Variants in CELF4 observed in about 807,000 individuals in gnomAD.
The protein encoded by CELF4 is CUGBP Elav-like family member 4.
Under a neutral mutation model 59.9 loss-of-function variants are expected in CELF4, and 18 were observed. The observed-to-expected ratio is 0.30, with a 90% CI of 0.21 to 0.45. CELF4 has a LOEUF of 0.45. Among genes scored for constraint, CELF4 ranks in the 20% least tolerant of loss-of-function variants. The pLI is 1.00. For missense variants in CELF4, 456 were observed against 689.0 expected (o/e 0.66, Z 3.79); for synonymous variants, 261 against 267.1 (o/e 0.98, Z 0.22).
chr18:37,536,085 A>G (rs910540710), intron 1 of CELF4, among the ~76,000 whole-genome samples: 11 of 152,062 alleles, frequency 7.2e-5, no homozygotes, highest in Non-Finnish European at 1.6e-4. Flanking sequence ...CTCTGGAACC[A>G]CTTGCATTGT....
intron 1 of CELF4, among the ~76,000 whole-genome samples, chr18:37,498,227 C>T (rs1385930857): frequency 6.6e-6 from 1 of 152,120 alleles, no homozygotes; most frequent in East Asian, 1.9e-4. Context: ...CCTCAAAGCT[C>T]CCCCAGGTGC....
intron 1 of CELF4, among the ~76,000 whole-genome samples, chr18:37,532,703 A>ATG (rs2099970509): frequency 6.6e-6 from 1 of 152,222 alleles, no homozygotes. Context: ...TGTTGTCTAT[A>ATG]GAAGTAACAG....
chr18:37,323,586 G>T (rs1256299178), intron 2 of CELF4, among the ~76,000 whole-genome samples: 1 of 152,072 alleles, frequency 6.6e-6, no homozygotes, highest in Non-Finnish European at 1.5e-5. Context: ...TTGGGACTCA[G>T]CATCTCACCC....
At chr18:37,505,978 C>T (rs569272848) in intron 1 of CELF4, among the ~76,000 whole-genome samples, 10 of 32,290 alleles carry the variant, frequency 3.1e-4, no homozygotes, top group Non-Finnish European at 7.9e-4. Context: ...CCTTGATCTG[C>T]GGGCAAGTTG....
chr18:37,333,748 CCA>C (rs2097653628), intron 2 of CELF4, among the ~76,000 whole-genome samples: 2 of 148,686 alleles, frequency 1.3e-5, no homozygotes, highest in African/African-American at 5.0e-5. Flanking sequence ...ATCCATCCAT[CCA>C]TCCATCCGTG....
chr18:37,419,769 C>G (rs537699211), intron 2 of CELF4, among the ~76,000 whole-genome samples: 7 of 152,286 alleles, frequency 4.6e-5, no homozygotes, highest in Admixed American at 1.3e-4. Flanking sequence ...TTGGAGGGTC[C>G]CTACAGGATT....
intron 1 of CELF4, among the ~76,000 whole-genome samples, chr18:37,530,118 G>C (rs544603742): frequency 6.6e-6 from 1 of 152,102 alleles, no homozygotes; most frequent in Non-Finnish European, 1.5e-5. Context: ...ACTCTCTTCC[G>C]GCCACAGTCC....
At chr18:37,268,013 G>T in intron 8 of CELF4, among the ~76,000 whole-genome samples, 1 of 152,092 alleles carries the variant, frequency 6.6e-6, no homozygotes. Flanking sequence ...CTCCAGCCTG[G>T]GCAACAATTG....
At chr18:37,500,468 T>A (rs1350834024) in intron 1 of CELF4, among the ~76,000 whole-genome samples, 1 of 152,122 alleles carries the variant, frequency 6.6e-6, no homozygotes, top group East Asian at 1.9e-4. Flanking sequence ...GTACATCTTG[T>A]CTTTGTGCCC....
chr18:37,295,206 T>C (rs991196164), intron 3 of CELF4, among the ~76,000 whole-genome samples: 3 of 152,192 alleles, frequency 2.0e-5, no homozygotes, highest in South Asian at 2.1e-4. Context: ...TCCCTGCCCC[T>C]GCCCGAATGA....
At chr18:37,332,608 C>A (rs907974069) in intron 2 of CELF4, among the ~76,000 whole-genome samples, 1 of 152,204 alleles carries the variant, frequency 6.6e-6, no homozygotes, top group African/African-American at 2.4e-5. Context: ...AAAAGAGGTG[C>A]CCCTCACAGT....
At chr18:37,367,893 G>A (rs1253431784) in intron 2 of CELF4, among the ~76,000 whole-genome samples, 3 of 152,088 alleles carry the variant, frequency 2.0e-5, no homozygotes, top group Non-Finnish European at 4.4e-5. Context: ...TCCTTTGTGC[G>A]ATTCCAGTTA....
At chr18:37,508,581 C>A (rs1045199753) in intron 1 of CELF4, among the ~76,000 whole-genome samples, 1 of 152,232 alleles carries the variant, frequency 6.6e-6, no homozygotes. Context: ...ATAGGTAGGG[C>A]ATGCCTGTTC....
chr18:37,375,234 G>A (rs753966832), intron 2 of CELF4, among the ~76,000 whole-genome samples: 1 of 152,306 alleles, frequency 6.6e-6, no homozygotes, highest in East Asian at 1.9e-4. Context: ...CTGCCTGCCT[G>A]GCAAACAAAT....
Position 37,246,865 on chromosome 18 carries a change from G to GT in CELF4, c.*45-1669dup, listed in dbSNP as rs1268761565. ...TGACTATTTTTTGTTCTTTTGTTTT[G>GT]TTTTTTTCTCTATGTGACATCTAGA... On this transcript the variant is annotated intron_variant, in intron 12 of 12. Transcript: ENST00000420428. The surrounding 1 kb of genome is among the most constrained non-coding windows in gnomAD (Gnocchi z 5.3). The GT allele has an allele frequency of 2.6e-5, 4 of 151,678 alleles. No individual in the cohort carries two copies. In the South Asian group the frequency reaches 6.3e-4, roughly 24 times the overall value. The allele number at this position is 151,678 out of a possible 1,614,324, so 9.4% of individuals were successfully genotyped here.
chr18:37,268,361 C>T (rs1344224126), intron 8 of CELF4, among the ~76,000 whole-genome samples: 1 of 152,210 alleles, frequency 6.6e-6, no homozygotes, highest in Non-Finnish European at 1.5e-5. Context: ...CTATCCTCTG[C>T]CAGCCTCTAA....
intron 2 of CELF4, among the ~76,000 whole-genome samples, chr18:37,428,905 G>A (rs1245292182): frequency 6.6e-6 from 1 of 152,216 alleles, no homozygotes; most frequent in East Asian, 1.9e-4. Context: ...AGGGCACACA[G>A]CAAGTGCTTG....
At chr18:37,420,708 T>G (rs1467884378) in intron 2 of CELF4, among the ~76,000 whole-genome samples, 2 of 152,178 alleles carry the variant, frequency 1.3e-5, no homozygotes, top group Non-Finnish European at 2.9e-5. Flanking sequence ...GAATCATTGC[T>G]TCACCACAAA....
intron 1 of CELF4, among the ~76,000 whole-genome samples, chr18:37,542,462 C>T (rs1368929808): frequency 6.6e-6 from 1 of 152,160 alleles, no homozygotes; most frequent in Non-Finnish European, 1.5e-5. Context: ...ACAATAGGCA[C>T]AGGCGCTCTT....
Sources: gnomAD v4.1 joint callset for allele counts (sites outside exome capture counted in the v4.1 genomes callset) on GRCh38, gnomAD v4.1.1 for gene constraint, Gnocchi (gnomAD v3.1) non-coding constraint, MANE v1.5 for transcripts, NCBI Gene and HGNC (gene_info 2026-07-23, HGNC 2026-07-21) for gene names.